Variants in KLHL5 observed in about 807,000 individuals in gnomAD.
KLHL5 encodes the protein kelch like family member 5, also known as kelch-like protein 5.
KLHL5 carries 48 observed loss-of-function variants against 77.7 expected under a neutral mutation model. The observed-to-expected ratio is 0.62, with a 90% CI of 0.49 to 0.79. KLHL5 has a LOEUF of 0.79. KLHL5 is among the 30% of genes least tolerant of loss of function. The probability of loss-of-function intolerance (pLI) is 0.00; values close to 1 mark genes in which losing one functional copy is unlikely to be tolerated. For missense variants in KLHL5, 723 were observed against 859.7 expected (o/e 0.84, Z 1.99); for synonymous variants, 260 against 297.0 (o/e 0.88, Z 1.28).
At chr4:39,060,666 A>G (rs924066763), upstream of KLHL5, among the ~76,000 whole-genome samples, 1 of 152,212 alleles carries the variant, frequency 6.6e-6, no homozygotes, top group Non-Finnish European at 1.5e-5. Context: ...GCCTTGACCA[A>G]TGAAGTGGTG....
intron 1 of KLHL5, among the ~76,000 whole-genome samples, chr4:39,070,571 A>T (rs1718381972): frequency 6.6e-6 from 1 of 152,068 alleles, no homozygotes; most frequent in African/African-American, 2.4e-5. Flanking sequence ...TTTGATTTGT[A>T]TTTTCAAAGT....
At chr4:39,048,273 C>T (rs530237834) in intron 1 of KLHL5, among the ~76,000 whole-genome samples, 2 of 152,194 alleles carry the variant, frequency 1.3e-5, no homozygotes, top group East Asian at 3.9e-4. Flanking sequence ...TTCTTGTGTT[C>T]GGATGATGAG....
At chr4:39,110,127 G>A (rs1268341348) in intron 8 of KLHL5, among the ~76,000 whole-genome samples, 2 of 152,144 alleles carry the variant, frequency 1.3e-5, no homozygotes, top group East Asian at 1.9e-4. Context: ...AAAGGCAAAT[G>A]GAAGTTCAAG....
intron 1 of KLHL5, among the ~76,000 whole-genome samples, chr4:39,065,853 T>C (rs945121510): frequency 6.6e-6 from 1 of 152,206 alleles, no homozygotes; most frequent in African/African-American, 2.4e-5. Flanking sequence ...ATTTCAGAAC[T>C]TAAACTGAAA....
chr4:39,067,218 T>C (rs1039310253), intron 1 of KLHL5, among the ~76,000 whole-genome samples: 1 of 152,214 alleles, frequency 6.6e-6, no homozygotes, highest in Admixed American at 6.5e-5. Context: ...TCCTAGATTT[T>C]ACTTGCTTTT....
At position 39,125,035 on chromosome 4, in the gene KLHL5, T is replaced by C. The variant is rs1723451181; in HGVS notation, c.*3969T>C. ...TAAATAGACATTTCTCTAATGAAGA[T>C]ATACAAATGGCCGACAAGCACATGG... On this transcript the variant is annotated 3_prime_UTR_variant, in exon 11 of 11. Coordinates refer to ENST00000504108, the MANE Select transcript of KLHL5 (RefSeq NM_015990.5). Among the ~76,000 whole-genome samples, 1 of 152,066 alleles carries C rather than the reference T, an allele frequency of 6.6e-6. No homozygotes were observed. Among genetic ancestry groups the C allele is most frequent in the African/African-American group, 2.4e-5 (1 of 41,410 alleles).
At chr4:39,085,631 A>G (rs1245403718) in intron 4 of KLHL5, among the ~76,000 whole-genome samples, 3 of 152,194 alleles carry the variant, frequency 2.0e-5, no homozygotes, top group African/African-American at 4.8e-5. Context: ...ATTATTTAGC[A>G]TAATAGCCTA....
Position 39,081,966 on chromosome 4 carries a change from G to T in KLHL5, c.707G>T (p.Arg236Leu). 3 of 1,581,082 alleles carry T rather than the reference G, an allele frequency of 1.9e-6. No homozygotes were observed. The highest frequency in any genetic ancestry group is 2.6e-6 in the Non-Finnish European group (3 of 1,166,190). ...GGAATTTCTTTTTATCATTAAGGCC[G>T]CCTTGAATTAAAAGAAGATAATATT... ...WSLIQYAYTG[R>L]LELKEDNIEC... is the part of the protein sequence containing the mutation. The change falls in exon 4 of 11, where the codon CGC (arginine) becomes CTC (leucine). Residue 236 changes from arginine to leucine, a missense_variant. Physicochemically the swap from Arg to Leu is moderately radical, Grantham distance 102. Coordinates refer to ENST00000504108, the MANE Select transcript of KLHL5 (RefSeq NM_015990.5). This position sits in a 1 kb window ranked among gnomAD's most constrained non-coding sequence, Gnocchi z 4.3.
At chr4:39,055,050 T>C (rs1327736050) in intron 1 of KLHL5, among the ~76,000 whole-genome samples, 1 of 152,250 alleles carries the variant, frequency 6.6e-6, no homozygotes, top group East Asian at 1.9e-4. Context: ...TGCCTCTATA[T>C]AAATGAGTTA....
At chr4:39,078,835 A>G (rs34593229) in intron 2 of KLHL5, among the ~76,000 whole-genome samples, 72,059 of 151,846 alleles carry the variant, frequency 0.47, 17,690 homozygotes, top group Middle Eastern at 0.57. Flanking sequence ...AAATCTCAGA[A>G]ATTACCACTA....
At chr4:39,051,635 C>T (rs1273770746) in intron 1 of KLHL5, among the ~76,000 whole-genome samples, 1 of 152,168 alleles carries the variant, frequency 6.6e-6, no homozygotes, top group Non-Finnish European at 1.5e-5. Flanking sequence ...GCAGGCAGCT[C>T]ATAGCCATCT....
chr4:39,073,828 A>ATT (rs200318552), intron 1 of KLHL5, among the ~76,000 whole-genome samples: 134 of 146,296 alleles, frequency 9.2e-4, no homozygotes, highest in African/African-American at 1.9e-3. Flanking sequence ...TTTTATTTTT[A>ATT]TTTTTTTTTT....
At chr4:39,130,844 C>CT (rs546585182), downstream of KLHL5, among the ~76,000 whole-genome samples, 54 of 146,902 alleles carry the variant, frequency 3.7e-4, no homozygotes, top group South Asian at 6.5e-4. Flanking sequence ...ACAAATAATT[C>CT]TTTTTTTTTT....
the KLHL5 span, among the ~76,000 whole-genome samples, chr4:39,139,062 A>C: frequency 6.6e-6 from 1 of 152,100 alleles, no homozygotes; most frequent in Non-Finnish European, 1.5e-5. Flanking sequence ...CAGGTGGATC[A>C]CCTGAGGTCA....
At chr4:39,128,100 TAAAAC>T (rs1250732622), downstream of KLHL5, among the ~76,000 whole-genome samples, 2 of 152,092 alleles carry the variant, frequency 1.3e-5, no homozygotes, top group African/African-American at 4.8e-5. Flanking sequence ...TAATAGATGA[TAAAAC>T]AAAGGAGGGG....
At chr4:39,132,782 A>C in the KLHL5 span, among the ~76,000 whole-genome samples, 1 of 152,202 alleles carries the variant, frequency 6.6e-6, no homozygotes, top group African/African-American at 2.4e-5. Flanking sequence ...TACATTTCTC[A>C]TTCATATTCC....
In KLHL5 at chr4:39,062,664, T is replaced by C. The variant is rs530131027; in HGVS notation, c.12T>C (p.Ser4=). The C allele has an allele frequency of 6.2e-7, 1 of 1,614,186 alleles. No individual in the cohort carries two copies. The highest frequency in any genetic ancestry group is 1.7e-5 in the Admixed American group (1 of 60,020). Residue 4 remains serine (S), a synonymous_variant, in exon 1 of 11, where the codon TCT becomes TCC. Coordinates refer to ENST00000504108, the MANE Select transcript of KLHL5 (RefSeq NM_015990.5). ...TGGTTTCTCTGAGGATGTCTGGTTC[T>C]CGTAAAGAGTTTGATGTGAAACAGA... MSG[S]RKEFDVKQIL...
the KLHL5 span, among the ~76,000 whole-genome samples, chr4:39,142,830 A>C: frequency 7.2e-5 from 11 of 152,088 alleles, no homozygotes; most frequent in African/African-American, 2.2e-4. Context: ...CATACGACAT[A>C]GTTCTATTTA....
intron 1 of KLHL5, among the ~76,000 whole-genome samples, chr4:39,053,540 G>T (rs1452307536): frequency 6.6e-6 from 1 of 152,240 alleles, no homozygotes; most frequent in Non-Finnish European, 1.5e-5. Flanking sequence ...GATCAGGCAA[G>T]AATTTAGCAG....
Sources: allele counts gnomAD v4.1 joint callset (sites outside exome capture counted in the v4.1 genomes callset), GRCh38; gene constraint gnomAD v4.1.1; non-coding constraint Gnocchi (gnomAD v3.1); transcripts MANE v1.5; gene names NCBI Gene and HGNC (gene_info 2026-07-23, HGNC 2026-07-21).